PLET1: variants seen among roughly 807,000 people sequenced by gnomAD.
The protein encoded by PLET1 is placenta expressed transcript 1.
In PLET1, 20 loss-of-function variants were observed where a neutral mutation model predicts 18.5. The ratio of observed to expected loss-of-function variants is 1.08; its 90% confidence interval spans 0.76 to 1.57. The LOEUF (loss-of-function observed/expected upper bound fraction) is 1.57. Ranked by LOEUF, PLET1 falls within the 40% of genes most tolerant of loss-of-function variation. The pLI, the probability that PLET1 is intolerant of heterozygous loss-of-function variation, is 0.00. For synonymous variants in PLET1, 93 were observed against 93.8 expected, an observed-to-expected ratio of 0.99 and a Z score of 0.05; for missense variants, 256 against 246.4, an observed-to-expected ratio of 1.04 and a Z score of -0.26.
At chr11:112,255,613 A>G in intron 1 of PLET1, 24 bp from the exon 2 acceptor site, 3 of 1,545,092 alleles carry the variant, frequency 1.9e-6, no homozygotes, top group Non-Finnish European at 2.6e-6. Context: ...ATGAAGAAGC[A>G]ATCAGCCATC....
In PLET1 at chr11:112,252,339, G is replaced by A. The variant is rs1319204761; in HGVS notation, c.448+9C>T. 1.0e-5 allele frequency: 16 copies of A among 1,548,824 alleles called. No individual in the cohort carries two copies. In the East Asian group the frequency reaches 3.4e-4, roughly 33 times the overall value. On this transcript the variant is annotated intron_variant, in intron 3 of 3. Transcript: ENST00000338832. The stretch of plus-strand genomic sequence containing the variant: ...GCAAGACTTGCAAATGGGCTGCAAA[G>A]GAACTCACGTTTTTCTCTTAGCTTC...
chr11:112,249,019 C>G, intron 3 of PLET1, 45 bp from the exon 4 acceptor site: 2 of 1,526,628 alleles, frequency 1.3e-6, no homozygotes, highest in Non-Finnish European at 1.8e-6. Context: ...AAAATGGCAT[C>G]GGAACCTCCG....
At chr11:112,260,299 A>G (rs1860273379) in intron 1 of PLET1, 107 bp downstream of exon 1, 2 of 1,124,980 alleles carry the variant, frequency 1.8e-6, no homozygotes, top group African/African-American at 1.6e-5. Flanking sequence ...GGTTCAGAAG[A>G]CACATGTTTT....
chr11:112,250,912 T>A (rs1860148988), intron 3 of PLET1, among the ~76,000 whole-genome samples: 1 of 152,234 alleles, frequency 6.6e-6, no homozygotes, highest in South Asian at 2.1e-4. Context: ...AAGACATTCA[T>A]ATAATAGTTT....
In PLET1 at chr11:112,250,930, C is replaced by G. The variant is rs530809281; in HGVS notation, c.448+1418G>C. On this transcript the variant is annotated intron_variant, in intron 3 of 3. Coordinates refer to ENST00000338832, the MANE Select transcript of PLET1 (RefSeq NM_001145024.1). Reference sequence around the variant, plus strand: ...ACATTCATATAATAGTTTCATTAGGCATAATCACTTTACAATTTGTTGTTG... The same window carrying G: ...ACATTCATATAATAGTTTCATTAGGGATAATCACTTTACAATTTGTTGTTG... Among the ~76,000 whole-genome samples, 5 of 152,328 alleles carry G rather than the reference C, an allele frequency of 3.3e-5. No individual in the cohort carries two copies. The East Asian group carries it at 9.6e-4, about 29-fold the overall frequency.
At chr11:112,254,360 ATGGTGTGTG>A in intron 2 of PLET1, among the ~76,000 whole-genome samples, 1 of 112,858 alleles carries the variant, frequency 8.9e-6, no homozygotes, top group Middle Eastern at 7.7e-3. Context: ...TGGTATTTGT[ATGGTGTGTG>A]TGGTGTATGT....
In PLET1 at chr11:112,248,504, G is replaced by C; in HGVS notation, c.*295C>G. 1 of 418,052 alleles carries C rather than the reference G, an allele frequency of 2.4e-6. No individual in the cohort carries two copies. Among genetic ancestry groups the C allele is most frequent in the Non-Finnish European group, 4.2e-6 (1 of 238,094 alleles). The allele number at this position is 418,052 out of a possible 1,614,324, so 25.9% of individuals were successfully genotyped here. The stretch of plus-strand genomic sequence containing the variant: ...AAAAGTTGAGATTGGCTGTGGAATT[G>C]GCTGCCAACCTGTTCAACCAATAGG... On this transcript the variant is annotated 3_prime_UTR_variant, in exon 4 of 4. Coordinates refer to ENST00000338832, the MANE Select transcript of PLET1 (RefSeq NM_001145024.1).
At chr11:112,257,874 A>G (rs549693082) in intron 1 of PLET1, among the ~76,000 whole-genome samples, 7 of 152,338 alleles carry the variant, frequency 4.6e-5, no homozygotes, top group African/African-American at 1.7e-4. Context: ...GAGTCCCCAG[A>G]AGTCCTGAGT....
At chr11:112,252,286 G>A (rs1214003776) in intron 3 of PLET1, 62 bp downstream of exon 3, 1 of 1,436,994 alleles carries the variant, frequency 7.0e-7, no homozygotes, top group East Asian at 2.5e-5. Context: ...AACCCACAAG[G>A]TAATTTTCCA....
chr11:112,252,840 C>T (rs1860169953), intron 2 of PLET1, among the ~76,000 whole-genome samples: 1 of 152,182 alleles, frequency 6.6e-6, no homozygotes, highest in Non-Finnish European at 1.5e-5. Context: ...CATGGGAGGA[C>T]CGACTTTATA....
At chr11:112,257,068 CT>C (rs1229803854) in intron 1 of PLET1, among the ~76,000 whole-genome samples, 1 of 152,246 alleles carries the variant, frequency 6.6e-6, no homozygotes, top group Non-Finnish European at 1.5e-5. Context: ...AAGGGTCCTT[CT>C]TTCTAGAGCA....
chr11:112,258,288 T>C (rs1482847124), intron 1 of PLET1, among the ~76,000 whole-genome samples: 14 of 146,832 alleles, frequency 9.5e-5, no homozygotes, highest in Non-Finnish European at 6.0e-5. Context: ...TTTCTTTTTT[T>C]TTTTTTTTTT....
chr11:112,258,059 G>A (rs190756460), intron 1 of PLET1, among the ~76,000 whole-genome samples: 4 of 152,250 alleles, frequency 2.6e-5, no homozygotes. Context: ...AAATGGAATT[G>A]GATAAAGTTT....
In PLET1 at chr11:112,260,515, G is replaced by A; in HGVS notation, c.75C>T (p.Ala25=). The change falls in exon 1 of 4, where the codon GCC becomes GCT. Residue 25 remains alanine (A), a synonymous_variant. Coordinates refer to ENST00000338832, the MANE Select transcript of PLET1 (RefSeq NM_001145024.1). The part of the protein sequence containing the change: ...FLCLSLQLSS[A]TFIRYSSTCF... ...AGGTGCTACTGTACCTTATAAAGGT[G>A]GCAGAAGAAAGCTGCAGACTGAGGC... 6.4e-7 allele frequency: 1 copy of A among 1,551,588 alleles called. No individual in the cohort carries two copies. The highest frequency in any genetic ancestry group is 8.7e-7 in the Non-Finnish European group (1 of 1,146,850).
In PLET1 at chr11:112,260,424, T is replaced by C; in HGVS notation, c.166A>G (p.Ser56Gly). The C allele has an allele frequency of 6.4e-7, 1 of 1,551,750 alleles. No homozygotes were observed. The highest frequency in any genetic ancestry group is 1.2e-5 in the South Asian group (1 of 84,058). The change falls in exon 1 of 4, where the codon AGC becomes GGC. Residue 56 changes from serine to glycine, a missense_variant. Ser to Gly is a moderately conservative substitution (Grantham distance 56, BLOSUM62 0). Transcript: ENST00000338832. ...DIKASSHIYE[S>G]NAVYSVFVPV... ...TACTCACCAGAATAGACTGCATTGC[T>C]TTCGTAGATATGTGAACTGGCCTTG...
chr11:112,248,828 CA>C lies in PLET1; in HGVS notation c.594del (p.Ala199LeufsTer39). 6.4e-7 allele frequency: 1 copy of C among 1,551,534 alleles called. No individual in the cohort carries two copies. The highest frequency in any genetic ancestry group is 8.7e-7 in the Non-Finnish European group (1 of 1,146,968). ...AAGAGAAGTGTGCTGGTGAGAAAAG[CA>C]AGCAGGATATAAATGGCCTCTGTGA... is the stretch of plus-strand genomic sequence containing the variant. ...SPITEAIYILLAFLTSTLLF is the reference protein window; with the variant it reads ...SPITEAIYILXAFLTSTLLF On this transcript the variant is annotated frameshift_variant, in exon 4 of 4. Coordinates refer to ENST00000338832, the MANE Select transcript of PLET1 (RefSeq NM_001145024.1). LOFTEE classifies it high-confidence loss of function.
Position 112,248,752 on chromosome 11 carries a change from T to C in PLET1, c.*47A>G, listed in dbSNP as rs913286925. 7.2e-6 allele frequency: 11 copies of C among 1,528,958 alleles called. No homozygotes were observed. Among genetic ancestry groups the C allele is most frequent in the Non-Finnish European group, 8.9e-6 (10 of 1,128,658 alleles). The allele number at this position is 1,528,958 out of a possible 1,614,324, so 94.7% of individuals were successfully genotyped here. On this transcript the variant is annotated 3_prime_UTR_variant, in exon 4 of 4. Coordinates refer to ENST00000338832, the MANE Select transcript of PLET1 (RefSeq NM_001145024.1). Reference sequence around the variant, plus strand: ...CCCAGCACTAGCTTGGAACTGAATGTAGGAGGATGCAGTGGAGGCAGAAAC... The same window carrying C: ...CCCAGCACTAGCTTGGAACTGAATGCAGGAGGATGCAGTGGAGGCAGAAAC...
At chr11:112,255,113 GTA>G (rs1860211131) in intron 2 of PLET1, among the ~76,000 whole-genome samples, 3 of 132,828 alleles carry the variant, frequency 2.3e-5, no homozygotes, top group Non-Finnish European at 3.3e-5. Flanking sequence ...TATGTGTGGT[GTA>G]TGTGTGTGAG....
intron 2 of PLET1, among the ~76,000 whole-genome samples, chr11:112,254,522 A>ATG (rs1860192581): frequency 9.9e-6 from 1 of 100,510 alleles, no homozygotes; most frequent in Non-Finnish European, 1.9e-5. Flanking sequence ...TGTGTGTGGT[A>ATG]TGTATGTGTG....
Sources: gnomAD v4.1 joint callset for allele counts (sites outside exome capture counted in the v4.1 genomes callset) on GRCh38, gnomAD v4.1.1 for gene constraint, MANE v1.5 for transcripts, NCBI Gene and HGNC (gene_info 2026-07-23, HGNC 2026-07-21) for gene names.